The following ERI1 variants were observed in gnomAD, a reference collection of about 807,000 sequenced individuals.
The protein encoded by ERI1 is exoribonuclease 1.
A neutral mutation model predicts 39.7 loss-of-function variants in ERI1; 39 were observed. The ratio of observed to expected loss-of-function variants is 0.98; its 90% CI spans 0.76 to 1.28. The LOEUF (loss-of-function observed/expected upper bound fraction) is 1.28, where lower values mean the gene tolerates loss of function less well. ERI1 is among the 50% of genes most tolerant of loss of function. ERI1 has a pLI of 0.00. For missense variants in ERI1, 581 were observed against 416.9 expected (o/e 1.39, Z -3.43); for synonymous variants, 204 against 149.6 (o/e 1.36, Z -2.65).
chr8:9,032,883 G>C lies in ERI1; in HGVS notation c.*2849G>C, dbSNP rs934618264. 2.0e-5 allele frequency: 3 copies of C among 152,156 alleles called. No homozygotes were observed. Among genetic ancestry groups the C allele is most frequent in the African/African-American group, 7.2e-5 (3 of 41,430 alleles). The allele number at this position is 152,156 out of a possible 1,614,324, so 9.4% of individuals were successfully genotyped here. A position where few individuals can be genotyped will look rare whatever the true frequency, so the allele number is the denominator to read the frequency against. ...ACGCACGGGTGCATTGTCAAAGTCTGAGAAGGATGTATTGTACTTTGAAGG... is the reference window on the plus strand; with the variant it reads ...ACGCACGGGTGCATTGTCAAAGTCTCAGAAGGATGTATTGTACTTTGAAGG... On this transcript the variant is annotated 3_prime_UTR_variant, in exon 7 of 7. Coordinates refer to ENST00000250263, the MANE Select transcript of ERI1 (RefSeq NM_153332.4).
chr8:9,012,781 C>T (rs895172256), intron 3 of ERI1, among the ~76,000 whole-genome samples: 1 of 152,198 alleles, frequency 6.6e-6, no homozygotes, highest in Non-Finnish European at 1.5e-5. Context: ...TGTGTAAAAA[C>T]TTCATCCCAC....
intron 5 of ERI1, among the ~76,000 whole-genome samples, chr8:9,019,258 G>T (rs912576256): frequency 1.3e-5 from 2 of 152,212 alleles, no homozygotes; most frequent in Non-Finnish European, 2.9e-5. Context: ...AACAACTTCT[G>T]TTTCAAACTG....
chr8:9,091,974 T>C (rs985247075), intron 3 of ERI1, among the ~76,000 whole-genome samples: 5 of 152,316 alleles, frequency 3.3e-5, no homozygotes, highest in Admixed American at 6.5e-5. Flanking sequence ...GTTGTTGTTT[T>C]GAGACAGGGT....
Position 9,007,980 on chromosome 8 carries a change from A to G in ERI1, c.119A>G (p.Gln40Arg). 8.7e-7 allele frequency: 1 copy of G among 1,152,420 alleles called. No individual in the cohort carries two copies. The highest frequency in any genetic ancestry group is 1.2e-6 in the Non-Finnish European group (1 of 832,188). The allele number at this position is 1,152,420 out of a possible 1,614,324, so 71.4% of individuals were successfully genotyped here. ...PPRPSPEETQQCKFDGQETKG... is the reference protein window; with the variant it reads ...PPRPSPEETQRCKFDGQETKG... ...TTTTTTTTTTGGTAGGAAACTCAAC[A>G]GTGTAAATTTGATGGCCAGGAGACA... is the stretch of plus-strand genomic sequence containing the variant. The change falls in exon 2 of 7, where the codon CAG becomes CGG. Residue 40 changes from glutamine to arginine, a missense_variant. Transcript: ENST00000250263.
At chr8:9,080,609 C>CCCGTTCCA (rs1343631647) in intron 3 of ERI1, among the ~76,000 whole-genome samples, 1 of 152,226 alleles carries the variant, frequency 6.6e-6, no homozygotes, top group African/African-American at 2.4e-5. Flanking sequence ...TTCACGTTCA[C>CCCGTTCCA]CCGTTCCACC....
chr8:9,071,575 G>A (rs1799051795), intron 3 of ERI1, among the ~76,000 whole-genome samples: 1 of 152,220 alleles, frequency 6.6e-6, no homozygotes, highest in Non-Finnish European at 1.5e-5. Context: ...TCTGAGGAAT[G>A]CTTTCTCCAG....
At chr8:9,067,109 A>G (rs1011032656) in intron 3 of ERI1, among the ~76,000 whole-genome samples, 1 of 152,082 alleles carries the variant, frequency 6.6e-6, no homozygotes, top group Non-Finnish European at 1.5e-5. Context: ...TGAGTCTCCA[A>G]AATTGCAAGT....
rs765472746 is a variant in ERI1, at chr8:9,011,555, G to T, written c.301G>T (p.Val101Phe). 2.5e-6 allele frequency: 4 copies of T among 1,606,906 alleles called. No individual in the cohort carries two copies. Among genetic ancestry groups the T allele is most frequent in the Non-Finnish European group, 3.4e-6 (4 of 1,176,632 alleles). The change falls in exon 3 of 7, where the codon GTT (valine) becomes TTT (phenylalanine). Residue 101 changes from valine to phenylalanine, a missense_variant. Transcript: ENST00000250263. ...FKLETRGVKD[V>F]LKKRLKNYYK... The stretch of plus-strand genomic sequence containing the variant: ...TCTTCTACTTAGAGGAGTAAAGGAT[G>T]TTCTAAAGAAGAGACTGAAAAACTA...
intron 3 of ERI1, among the ~76,000 whole-genome samples, chr8:9,082,603 T>A (rs945897452): frequency 6.6e-6 from 1 of 152,146 alleles, no homozygotes; most frequent in Non-Finnish European, 1.5e-5. Context: ...GTTGAAAGGA[T>A]ATTGAAAGAA....
At chr8:9,039,702 A>C (rs1291821368) in intron 3 of ERI1, among the ~76,000 whole-genome samples, 1 of 152,216 alleles carries the variant, frequency 6.6e-6, no homozygotes, top group Non-Finnish European at 1.5e-5. Context: ...TTTAGTGTTA[A>C]TAATATTAAC....
chr8:9,035,220 T>G (rs1459768365), downstream of ERI1, among the ~76,000 whole-genome samples: 3 of 152,218 alleles, frequency 2.0e-5, no homozygotes, highest in African/African-American at 7.2e-5. Flanking sequence ...AAGATCTAGC[T>G]AAGATAACTA....
chr8:9,071,334 A>G (rs1003509483), intron 3 of ERI1, among the ~76,000 whole-genome samples: 1 of 152,188 alleles, frequency 6.6e-6, no homozygotes, highest in Non-Finnish European at 1.5e-5. Context: ...TTTCTATTCT[A>G]GTTATTACAT....
rs545231889 is a variant in ERI1 at position 9,049,489 on chromosome 8, C to A, written n.299+29025C>A. 3.1e-4 allele frequency among the ~76,000 whole-genome samples: 47 copies of A among 150,678 alleles called. 1 individual carries two copies. In the South Asian group the frequency reaches 9.7e-3, roughly 31 times the overall value. ...AGTGCGGGGAGTCCTGCAACTAGAC[C>A]TTTGGATCTTGTCTTTATTTGAATT... On this transcript the variant is annotated intron_variant and non_coding_transcript_variant, in intron 3 of 3. Transcript: ENST00000518663.
chr8:9,069,684 C>T (rs562625448), intron 3 of ERI1, among the ~76,000 whole-genome samples: 3 of 152,188 alleles, frequency 2.0e-5, no homozygotes, highest in South Asian at 4.1e-4. Flanking sequence ...GCAATATACA[C>T]ATGTAACAAA....
rs1350556478 is a variant in ERI1, at chr8:9,011,580, A to T, written c.326A>T (p.Tyr109Phe). 1 of 1,612,848 alleles carries T rather than the reference A, an allele frequency of 6.2e-7. No individual in the cohort carries two copies. The change falls in exon 3 of 7, where the codon TAT becomes TTT. Residue 109 changes from tyrosine (Y) to phenylalanine (F), a missense_variant. Coordinates refer to ENST00000250263, the MANE Select transcript of ERI1 (RefSeq NM_153332.4). ...KDVLKKRLKN[Y>F]YKKQKLMLKE... is the part of the protein sequence containing the mutation. ...GTTCTAAAGAAGAGACTGAAAAACT[A>T]TTATAAGAAGCAGAAGCTGATGCTG...
chr8:9,009,781 A>G (rs1279868732), intron 2 of ERI1, among the ~76,000 whole-genome samples: 1 of 151,532 alleles, frequency 6.6e-6, no homozygotes, highest in African/African-American at 2.4e-5. Context: ...CAAGTGATTC[A>G]CCCCCCTCCC....
chr8:9,005,386 T>TA (rs1041679786), intron 1 of ERI1, among the ~76,000 whole-genome samples: 6 of 151,990 alleles, frequency 3.9e-5, no homozygotes, highest in South Asian at 2.1e-4. Context: ...TGTGTTCCTT[T>TA]AAAAAAATGC....
intron 3 of ERI1, among the ~76,000 whole-genome samples, chr8:9,061,963 T>C (rs547598458): frequency 1.3e-5 from 2 of 151,940 alleles, no homozygotes; most frequent in South Asian, 4.2e-4. Context: ...GAGGGAGGCA[T>C]TGAGGATAGG....
At chr8:9,022,048 A>G (rs1817964873) in intron 6 of ERI1, among the ~76,000 whole-genome samples, 3 of 152,080 alleles carry the variant, frequency 2.0e-5, no homozygotes, top group African/African-American at 4.8e-5. Context: ...TATGTACATC[A>G]TTGACATTAC....
Sources: allele counts gnomAD v4.1 joint callset (sites outside exome capture counted in the v4.1 genomes callset), GRCh38; gene constraint gnomAD v4.1.1; transcripts MANE v1.5; gene names NCBI Gene and HGNC (gene_info 2026-07-23, HGNC 2026-07-21).